Variants in MAGI2 observed in about 807,000 individuals in gnomAD.
The protein encoded by MAGI2 is membrane-associated guanylate kinase, WW and PDZ domain-containing protein 2.
In MAGI2, 35 loss-of-function variants were observed where a neutral mutation model predicts 133.3. The observed-to-expected ratio is 0.26, with a 90% CI of 0.20 to 0.35. MAGI2 has a LOEUF of 0.35. Among genes scored for constraint, MAGI2 ranks in the 10% least tolerant of loss-of-function variants. The pLI, the probability that MAGI2 is intolerant of heterozygous loss-of-function variation, is 1.00. For missense variants in MAGI2, 1,636 were observed against 1,863.4 expected (o/e 0.88, Z 2.25); for synonymous variants, 729 against 710.6 (o/e 1.03, Z -0.41).
rs369188258 is a variant in MAGI2, at chr7:79,128,841, A to G, written c.302-121635T>C. Among the ~76,000 whole-genome samples, 6 of 152,188 alleles carry G rather than the reference A, an allele frequency of 3.9e-5. No individual in the cohort carries two copies. In the East Asian group the frequency reaches 1.2e-3, roughly 29 times the overall value. The stretch of plus-strand genomic sequence containing the variant: ...TCCTTAGTTGAAAATGCATTAATAC[A>G]TCTAACATACTAAACACCATAGCTT... On this transcript the variant is annotated intron_variant, in intron 1 of 21. Transcript: ENST00000354212.
At chr7:79,274,952 T>C (rs1394096735) in intron 1 of MAGI2, among the ~76,000 whole-genome samples, 2 of 152,170 alleles carry the variant, frequency 1.3e-5, no homozygotes, top group Non-Finnish European at 2.9e-5. Flanking sequence ...AATCGATAAA[T>C]GCTGTAAGTG....
chr7:78,560,804 T>A (rs1800323720), intron 3 of MAGI2, among the ~76,000 whole-genome samples: 1 of 152,190 alleles, frequency 6.6e-6, no homozygotes, highest in African/African-American at 2.4e-5. Flanking sequence ...GATTATCTGC[T>A]GAGAGCATCA....
intron 1 of MAGI2, among the ~76,000 whole-genome samples, chr7:79,063,509 AT>A: frequency 6.6e-6 from 1 of 152,182 alleles, no homozygotes; most frequent in African/African-American, 2.4e-5. Context: ...TGGCCAGCTA[AT>A]TGAGTTACTT....
intron 7 of MAGI2, among the ~76,000 whole-genome samples, chr7:78,349,815 C>T (rs1351257246): frequency 1.3e-5 from 2 of 152,138 alleles, no homozygotes; most frequent in African/African-American, 4.8e-5. Context: ...ACTTGTCTTC[C>T]TTATGCTTCC....
chr7:78,659,448 A>AC (rs1812684612), intron 2 of MAGI2, among the ~76,000 whole-genome samples: 1 of 150,140 alleles, frequency 6.7e-6, no homozygotes, highest in Non-Finnish European at 1.5e-5. Flanking sequence ...AAAAAAAAAA[A>AC]AAAGCAAAAC....
chr7:78,863,390 G>A (rs1442132923), intron 2 of MAGI2, among the ~76,000 whole-genome samples: 1 of 152,214 alleles, frequency 6.6e-6, no homozygotes, highest in East Asian at 1.9e-4. Flanking sequence ...AGGCAAAGGG[G>A]AGCCAGTGTG....
At chr7:79,235,705 G>C (rs897898484) in intron 1 of MAGI2, among the ~76,000 whole-genome samples, 4 of 152,182 alleles carry the variant, frequency 2.6e-5, no homozygotes, top group African/African-American at 7.2e-5. Context: ...GCACTCCCTA[G>C]TGAGATGAAC....
At chr7:78,224,450 G>A (rs2150849992) in intron 10 of MAGI2, among the ~76,000 whole-genome samples, 1 of 152,182 alleles carries the variant, frequency 6.6e-6, no homozygotes, top group South Asian at 2.1e-4. Flanking sequence ...CAGATCACTT[G>A]AGGTCAGGAG....
intron 9 of MAGI2, among the ~76,000 whole-genome samples, chr7:78,285,966 A>C (rs2151025488): frequency 6.6e-6 from 1 of 152,324 alleles, no homozygotes; most frequent in Middle Eastern, 3.4e-3. Context: ...ATGAAAATAT[A>C]TTTTAAAGAT....
chr7:79,216,355 T>A (rs543028334), intron 1 of MAGI2, among the ~76,000 whole-genome samples: 4 of 151,984 alleles, frequency 2.6e-5, no homozygotes, highest in African/African-American at 9.7e-5. Flanking sequence ...ATCCTTCAAG[T>A]CTGTGTGTGA....
At position 78,914,160 on chromosome 7, in the gene MAGI2, C is replaced by T. The variant is rs796688854; in HGVS notation, c.418+92930G>A. On this transcript the variant is annotated intron_variant, in intron 2 of 21. Transcript: ENST00000354212. ...TGGTTTACTTGCCCCTTCAAATGAA[C>T]TGTAAACTTTTTAAGGACAGAGGAT... Among the ~76,000 whole-genome samples, 4 of 152,286 alleles carry T rather than the reference C, an allele frequency of 2.6e-5. No individual in the cohort carries two copies. The South Asian group carries it at 8.3e-4, about 32-fold the overall frequency.
chr7:79,376,048 C>A (rs1843357424), intron 1 of MAGI2, among the ~76,000 whole-genome samples: 1 of 151,342 alleles, frequency 6.6e-6, no homozygotes. Context: ...ATTTTTGGTC[C>A]AAAGTATACT....
chr7:79,091,744 G>A (rs1323024204), intron 1 of MAGI2, among the ~76,000 whole-genome samples: 4 of 151,860 alleles, frequency 2.6e-5, no homozygotes, highest in African/African-American at 9.7e-5. Context: ...CACTGTAGCA[G>A]CCATGGACGA....
intron 10 of MAGI2, among the ~76,000 whole-genome samples, chr7:78,227,410 T>A (rs1789499641): frequency 6.6e-6 from 1 of 152,212 alleles, no homozygotes; most frequent in African/African-American, 2.4e-5. Flanking sequence ...ACCAGAGTTC[T>A]GCTCATCAAA....
intron 2 of MAGI2, among the ~76,000 whole-genome samples, chr7:78,699,093 TC>T (rs1817805712): frequency 6.6e-6 from 1 of 152,196 alleles, no homozygotes; most frequent in Non-Finnish European, 1.5e-5. Context: ...TTCTGATGGC[TC>T]ACTGTACACA....
chr7:78,665,650 C>G (rs1453878514), intron 2 of MAGI2, among the ~76,000 whole-genome samples: 1 of 152,034 alleles, frequency 6.6e-6, no homozygotes, highest in Middle Eastern at 3.2e-3. Context: ...AGAGTGAAAT[C>G]TGCTTGAGAA....
intron 1 of MAGI2, among the ~76,000 whole-genome samples, chr7:79,317,674 A>C (rs986338512): frequency 2.0e-5 from 3 of 152,154 alleles, no homozygotes; most frequent in African/African-American, 7.2e-5. Flanking sequence ...CAATTCACGC[A>C]AGCTACATTT....
intron 9 of MAGI2, among the ~76,000 whole-genome samples, chr7:78,284,450 CTTTTTT>C (rs34430968): frequency 7.0e-6 from 1 of 142,848 alleles, no homozygotes; most frequent in African/African-American, 2.5e-5. Flanking sequence ...GTTTTCTTTT[CTTTTTT>C]TTTTTTTTTA....
chr7:78,762,076 G>A (rs1176767422), intron 2 of MAGI2, among the ~76,000 whole-genome samples: 1 of 151,546 alleles, frequency 6.6e-6, no homozygotes, highest in Non-Finnish European at 1.5e-5. Flanking sequence ...GTCTCTTAGA[G>A]AAAAATATTT....
Sources: gnomAD v4.1 joint callset for allele counts (sites outside exome capture counted in the v4.1 genomes callset) on GRCh38, gnomAD v4.1.1 for gene constraint, MANE v1.5 for transcripts, NCBI Gene and HGNC (gene_info 2026-07-23, HGNC 2026-07-21) for gene names.